KAZN: variants seen among roughly 807,000 people sequenced by gnomAD.
KAZN encodes the protein kazrin.
In KAZN, 40 loss-of-function variants were observed where a neutral mutation model predicts 87.4. The observed-to-expected ratio is 0.46, with a 90% CI of 0.36 to 0.60. The LOEUF (loss-of-function observed/expected upper bound fraction) is 0.60. Among genes scored for constraint, KAZN ranks in the 20% least tolerant of loss-of-function variants. KAZN has a pLI of 0.00. For missense variants in KAZN, 898 were observed against 1,073.9 expected (o/e 0.84, Z 2.29); for synonymous variants, 466 against 458.3 (o/e 1.02, Z -0.22).
chr1:14,287,375 A>T (rs766651858), intron 2 of KAZN, among the ~76,000 whole-genome samples: 1 of 152,118 alleles, frequency 6.6e-6, no homozygotes, highest in East Asian at 1.9e-4. Context: ...GGCATAATGC[A>T]CCTAGGAATG....
chr1:14,130,802 C>T (rs1256024119), intron 1 of KAZN, among the ~76,000 whole-genome samples: 1 of 152,012 alleles, frequency 6.6e-6, no homozygotes, highest in African/African-American at 2.4e-5. Context: ...TTAGGCAATT[C>T]TGAAAAGAAA....
intron 1 of KAZN, among the ~76,000 whole-genome samples, chr1:14,901,183 G>T (rs1005970339): frequency 1.3e-5 from 2 of 152,190 alleles, no homozygotes; most frequent in African/African-American, 4.8e-5. Context: ...TGCTGGGGAA[G>T]GTCCCCTGGA....
intron 2 of KAZN, among the ~76,000 whole-genome samples, chr1:14,425,456 C>T (rs1483608201): frequency 6.6e-6 from 1 of 152,168 alleles, no homozygotes; most frequent in Non-Finnish European, 1.5e-5. Context: ...AAAACCACTG[C>T]CATGCCCTCA....
chr1:14,334,880 G>C (rs933799371), intron 2 of KAZN, among the ~76,000 whole-genome samples: 4 of 152,142 alleles, frequency 2.6e-5, no homozygotes, highest in Admixed American at 1.3e-4. Context: ...CAGATGCAGA[G>C]AGAGAGACAA....
At position 14,280,091 on chromosome 1, in the gene KAZN, G is replaced by A. The variant is rs567232947; in HGVS notation, c.249+99499G>A. On this transcript the variant is annotated intron_variant, in intron 2 of 16. Coordinates refer to the KAZN transcript ENST00000636203. ...TTAAGATGAGGTTGCGGCCGGGCGC[G>A]GTGGCTCACACCTGTAATCCCAGCG... Among the ~76,000 whole-genome samples the A allele has an allele frequency of 5.3e-5, 8 of 152,162 alleles. No homozygotes were observed. The South Asian group carries it at 6.2e-4, about 12-fold the overall frequency.
At chr1:14,841,289 C>T (rs538514066) in intron 1 of KAZN, among the ~76,000 whole-genome samples, 10 of 151,792 alleles carry the variant, frequency 6.6e-5, no homozygotes, top group African/African-American at 2.4e-4. Flanking sequence ...CCTATGGTCC[C>T]AGCTACTCGG....
At chr1:14,840,705 TCTTGTC>T in intron 1 of KAZN, among the ~76,000 whole-genome samples, 1 of 152,232 alleles carries the variant, frequency 6.6e-6, no homozygotes, top group Non-Finnish European at 1.5e-5. Flanking sequence ...CAAACTCATC[TCTTGTC>T]CACGATGCAC....
intron 1 of KAZN, among the ~76,000 whole-genome samples, chr1:14,933,740 T>TCAAGCCATCCTCCTGCCTC (rs1660115053): frequency 6.6e-6 from 1 of 152,160 alleles, no homozygotes; most frequent in Admixed American, 6.5e-5. Flanking sequence ...ACTCCTGGTT[T>TCAAGCCATCCTCCTGCCTC]CAAGCCATCC....
chr1:14,759,308 A>G (rs964801254), intron 1 of KAZN, among the ~76,000 whole-genome samples: 14 of 152,176 alleles, frequency 9.2e-5, no homozygotes, highest in African/African-American at 3.4e-4. Context: ...TGCCGTGGCT[A>G]TGTGAAGAGT....
chr1:14,040,860 C>G (rs1476217514), intron 1 of KAZN, among the ~76,000 whole-genome samples: 1 of 151,376 alleles, frequency 6.6e-6, no homozygotes, highest in African/African-American at 2.4e-5. Flanking sequence ...TTTGGAAAAC[C>G]AATATTTTCC....
chr1:14,680,341 T>A (rs1640493898), intron 1 of KAZN, among the ~76,000 whole-genome samples: 1 of 152,138 alleles, frequency 6.6e-6, no homozygotes. Context: ...CTCCTGCAGC[T>A]ATGGCTCTGA....
chr1:14,627,364 A>G (rs1331474510), intron 1 of KAZN, among the ~76,000 whole-genome samples: 5 of 152,016 alleles, frequency 3.3e-5, no homozygotes, highest in Non-Finnish European at 5.9e-5. Context: ...GTCGCCCAGG[A>G]GGTCAATAAG....
chr1:14,328,107 T>C (rs949050903), intron 2 of KAZN, among the ~76,000 whole-genome samples: 2 of 152,206 alleles, frequency 1.3e-5, no homozygotes, highest in Non-Finnish European at 2.9e-5. Flanking sequence ...ATAATTAACC[T>C]ATTTCCTCCC....
At chr1:14,919,322 G>A (rs921563687) in intron 1 of KAZN, among the ~76,000 whole-genome samples, 28 of 152,130 alleles carry the variant, frequency 1.8e-4, no homozygotes, top group African/African-American at 6.0e-4. Flanking sequence ...GATGACAGGC[G>A]CGTTCCACCA....
chr1:15,112,682 T>C, intron 14 of KAZN, 141 bp downstream of exon 14: 1 of 598,582 alleles, frequency 1.7e-6, no homozygotes, highest in Non-Finnish European at 3.0e-6. Flanking sequence ...CCAGGACAGA[T>C]GCCCTGGATG....
At chr1:14,312,112 A>AT (rs1436101917) in intron 2 of KAZN, among the ~76,000 whole-genome samples, 4 of 151,054 alleles carry the variant, frequency 2.6e-5, no homozygotes, top group African/African-American at 4.9e-5. Flanking sequence ...GGGGAAAGCC[A>AT]TTTAGAGTAT....
At chr1:14,384,268 T>C (rs369379767) in intron 2 of KAZN, among the ~76,000 whole-genome samples, 8 of 151,710 alleles carry the variant, frequency 5.3e-5, no homozygotes, top group South Asian at 2.1e-4. Flanking sequence ...CAAACAGGGA[T>C]AATTTGACTT....
intron 2 of KAZN, among the ~76,000 whole-genome samples, chr1:14,297,567 G>T (rs2100767395): frequency 6.6e-6 from 1 of 152,042 alleles, no homozygotes; most frequent in East Asian, 1.9e-4. Context: ...CCCCCTGCAA[G>T]ATCCTTTACA....
At chr1:14,464,941 C>T (rs1430795298) in intron 2 of KAZN, among the ~76,000 whole-genome samples, 1 of 142,390 alleles carries the variant, frequency 7.0e-6, no homozygotes, top group African/African-American at 3.0e-5. Flanking sequence ...ACCCAATACA[C>T]AGTGACTTCA....
Sources: gnomAD v4.1 joint callset for allele counts (sites outside exome capture counted in the v4.1 genomes callset) on GRCh38, gnomAD v4.1.1 for gene constraint, MANE v1.5 for transcripts, NCBI Gene and HGNC (gene_info 2026-07-23, HGNC 2026-07-21) for gene names.